The following TUBGCP5 variants were observed in gnomAD, a reference collection of about 807,000 sequenced individuals.
TUBGCP5 encodes gamma-tubulin complex component 5.
Under a neutral mutation model 134.7 loss-of-function variants are expected in TUBGCP5, and 98 were observed. The ratio of observed to expected loss-of-function variants is 0.73; its 90% CI spans 0.62 to 0.86. The LOEUF is 0.86. TUBGCP5 is among the 40% of genes least tolerant of loss of function. TUBGCP5 has a pLI of 0.00. For missense variants in TUBGCP5, 1,150 were observed against 1,244.8 expected (o/e 0.92, Z 1.15); for synonymous variants, 456 against 431.4 (o/e 1.06, Z -0.71).
chr15:23,037,161 G>A lies in TUBGCP5; in HGVS notation c.147-9C>T, dbSNP rs1260895256. ...CCAAGAAACGATGAAATCTATTAAA[G>A]ACAAAATGCAATTCTTATGCCAACT... is the stretch of plus-strand genomic sequence containing the variant. On this transcript the variant is annotated splice_polypyrimidine_tract_variant and intron_variant, in intron 1 of 22. Transcript: ENST00000615383. 4 of 1,611,008 alleles carry A rather than the reference G, an allele frequency of 2.5e-6. No homozygotes were observed. The highest frequency in any genetic ancestry group is 2.7e-5 in the African/African-American group (2 of 74,760).
At chr15:22,995,404 G>A (rs1414411214), downstream of TUBGCP5, among the ~76,000 whole-genome samples, 3 of 151,702 alleles carry the variant, frequency 2.0e-5, no homozygotes, top group African/African-American at 4.8e-5. Flanking sequence ...CACCTTGTTC[G>A]TGGTCCCCCA....
intron 13 of TUBGCP5, among the ~76,000 whole-genome samples, chr15:23,015,348 A>G (rs2065251320): frequency 6.6e-6 from 1 of 150,430 alleles, no homozygotes; most frequent in Non-Finnish European, 1.5e-5. Flanking sequence ...GGCCTCCGAA[A>G]GTGCTGGGAT....
At chr15:22,998,962 G>A (rs2064220867), downstream of TUBGCP5, among the ~76,000 whole-genome samples, 1 of 152,072 alleles carries the variant, frequency 6.6e-6, no homozygotes, top group Non-Finnish European at 1.5e-5. Context: ...GGTCTCATAT[G>A]TTGCCTAGGC....
At chr15:23,016,322 G>A (rs1411434540) in intron 13 of TUBGCP5, among the ~76,000 whole-genome samples, 9 of 152,008 alleles carry the variant, frequency 5.9e-5, no homozygotes, top group South Asian at 2.1e-4. Flanking sequence ...GTGAAACCTC[G>A]TCTCTACTAA....
intron 13 of TUBGCP5, among the ~76,000 whole-genome samples, chr15:23,015,300 G>A (rs898401122): frequency 6.6e-6 from 1 of 151,558 alleles, no homozygotes; most frequent in Non-Finnish European, 1.5e-5. Flanking sequence ...TGGCCAGGCT[G>A]GTCTCAAACT....
At position 22,991,546 on chromosome 15, in the gene TUBGCP5, C is replaced by CAG; in HGVS notation, c.*61+5297_*61+5298dup. Among the ~76,000 whole-genome samples, 3 of 152,004 alleles carry CAG rather than the reference C, an allele frequency of 2.0e-5. No individual in the cohort carries two copies. The South Asian group carries it at 6.2e-4, about 32-fold the overall frequency. On this transcript the variant is annotated intron_variant and NMD_transcript_variant, in intron 23 of 23. Transcript: ENST00000614508. The stretch of plus-strand genomic sequence containing the variant: ...GCGCTGGCGGAGGCTTGGGGAGAGG[C>CAG]AGGGAGCTGCCACTGTGTTGTGGCT...
At chr15:23,016,671 A>C (rs2065340086) in intron 13 of TUBGCP5, among the ~76,000 whole-genome samples, 2 of 152,052 alleles carry the variant, frequency 1.3e-5, no homozygotes, top group Admixed American at 6.6e-5. Context: ...TTTATCACGA[A>C]GACAAAAAAT....
At chr15:23,012,661 C>T (rs1252848350) in intron 13 of TUBGCP5, among the ~76,000 whole-genome samples, 1 of 152,184 alleles carries the variant, frequency 6.6e-6, no homozygotes, top group African/African-American at 2.4e-5. Context: ...CTGCCTCAGC[C>T]TCCCAAAGTG....
chr15:22,999,349 A>G lies in TUBGCP5; in HGVS notation c.*471T>C, dbSNP rs1337433673. On this transcript the variant is annotated 3_prime_UTR_variant, in exon 23 of 23. Coordinates refer to ENST00000615383, the MANE Select transcript of TUBGCP5 (RefSeq NM_052903.6). ...CAATTTTATGTATACAACTCTATAC[A>G]GTATCTACTAATCTCCAGAAAACCC... 7 of 187,328 alleles carry G rather than the reference A, an allele frequency of 3.7e-5. No individual in the cohort carries two copies. Among genetic ancestry groups the G allele is most frequent in the Non-Finnish European group, 5.7e-5 (5 of 87,806 alleles). The allele number at this position is 187,328 out of a possible 1,614,324, so 11.6% of individuals were successfully genotyped here.
chr15:22,988,318 G>A lies in TUBGCP5; in HGVS notation c.*62-4707C>T, dbSNP rs2063740359. ...GAGATGGGAGTGAAGCAGCCACACA[G>A]CCACAAGTCATAGAATGCTGGCAGC... On this transcript the variant is annotated intron_variant and NMD_transcript_variant, in intron 23 of 23. Coordinates refer to the TUBGCP5 transcript ENST00000614508. Among the ~76,000 whole-genome samples, 5 of 151,920 alleles carry A rather than the reference G, an allele frequency of 3.3e-5. No individual in the cohort carries two copies. The South Asian group carries it at 1.0e-3, about 31-fold the overall frequency.
chr15:23,015,147 TA>T (rs1320977847), intron 13 of TUBGCP5, among the ~76,000 whole-genome samples: 1 of 152,034 alleles, frequency 6.6e-6, no homozygotes, highest in East Asian at 2.0e-4. Context: ...TACAGTGGTA[TA>T]ATCTTGGCTC....
intron 7 of TUBGCP5, 116 bp downstream of exon 7, chr15:23,027,076 C>A: frequency 1.2e-6 from 1 of 833,946 alleles, no homozygotes. Context: ...AAAGAATTGT[C>A]AAAACAAAAA....
In TUBGCP5 at chr15:22,987,336, CAA is replaced by C. The variant is rs34835716; in HGVS notation, c.*62-3727_*62-3726del. ...GGGCAACAAGAGCAAAACTCCATCT[CAA>C]AAAAAAAAAAAAAGAAAAGAAAGTT... On this transcript the variant is annotated intron_variant and NMD_transcript_variant, in intron 23 of 23. Coordinates refer to the TUBGCP5 transcript ENST00000614508. Among the ~76,000 whole-genome samples the C allele has an allele frequency of 2.7e-3, 343 of 125,400 alleles. 1 individual carries two copies. The highest frequency in any genetic ancestry group is 4.2e-3 in the Non-Finnish European group (245 of 58,250). 82.3% of individuals were successfully genotyped at this position (125,400 alleles called of 152,430 possible). A position where few individuals can be genotyped will look rare whatever the true frequency, so the allele number is the denominator to read the frequency against.
Position 23,037,011 on chromosome 15 carries a change from A to G in TUBGCP5, c.201-6T>C. 6.3e-7 allele frequency: 1 copy of G among 1,595,684 alleles called. No individual in the cohort carries two copies. Among genetic ancestry groups the G allele is most frequent in the East Asian group, 2.2e-5 (1 of 44,754 alleles). On this transcript the variant is annotated splice_polypyrimidine_tract_variant and splice_region_variant and intron_variant, in intron 2 of 22. Coordinates refer to ENST00000615383, the MANE Select transcript of TUBGCP5 (RefSeq NM_052903.6). ...TGACAAATTTTTCATAAATTCTAAA[A>G]TATAAGAAAAGATTATAAAGCTATC...
chr15:23,026,490 T>C (rs73409395), intron 7 of TUBGCP5, among the ~76,000 whole-genome samples: 5,149 of 152,194 alleles, frequency 0.034, 291 homozygotes, highest in African/African-American at 0.12. Context: ...GCAGTAAGTA[T>C]ACCAAAACAG....
intron 23 of TUBGCP5, among the ~76,000 whole-genome samples, chr15:22,983,946 AC>A (rs2063606366): frequency 6.6e-6 from 1 of 151,630 alleles, no homozygotes; most frequent in Non-Finnish European, 1.5e-5. Flanking sequence ...ACAGGACAAA[AC>A]CCCCTCTCTA....
At chr15:22,990,791 G>A (rs917131170) in intron 23 of TUBGCP5, among the ~76,000 whole-genome samples, 5 of 152,108 alleles carry the variant, frequency 3.3e-5, no homozygotes, top group African/African-American at 1.2e-4. Context: ...ATCTGAAGGG[G>A]CCCTAAATCC....
chr15:23,001,654 T>A (rs2064388617), intron 21 of TUBGCP5, among the ~76,000 whole-genome samples: 1 of 129,190 alleles, frequency 7.7e-6, no homozygotes, highest in East Asian at 2.2e-4. Context: ...TCTTTCTTTC[T>A]TTTTTTTTTT....
chr15:23,007,609 CTA>C (rs373531747), intron 16 of TUBGCP5, among the ~76,000 whole-genome samples: 8 of 152,194 alleles, frequency 5.3e-5, no homozygotes, highest in African/African-American at 1.9e-4. Flanking sequence ...GAACTGGAGA[CTA>C]TGTCACAGGG....
Sources: gnomAD v4.1 joint callset for allele counts (sites outside exome capture counted in the v4.1 genomes callset) on GRCh38, gnomAD v4.1.1 for gene constraint, MANE v1.5 for transcripts, NCBI Gene and HGNC (gene_info 2026-07-23, HGNC 2026-07-21) for gene names.